The following TMEM131 variants were observed in gnomAD, a reference collection of about 807,000 sequenced individuals.
The protein encoded by TMEM131 is 2610524E03Rik.
In TMEM131, 66 loss-of-function variants were observed where a neutral mutation model predicts 211.6. The ratio of observed to expected loss-of-function variants is 0.31; its 90% confidence interval spans 0.26 to 0.38. The LOEUF is 0.38. TMEM131 is among the 10% of genes least tolerant of loss of function. The pLI, the probability that TMEM131 is intolerant of heterozygous loss-of-function variation, is 1.00. For missense variants in TMEM131, 2,036 were observed against 2,299.3 expected (o/e 0.89, Z 2.34); for synonymous variants, 844 against 841.3 (o/e 1.00, Z -0.06).
intron 11 of TMEM131, among the ~76,000 whole-genome samples, chr2:97,826,806 C>G (rs1306549889): frequency 6.6e-6 from 1 of 152,128 alleles, no homozygotes; most frequent in Non-Finnish European, 1.5e-5. Context: ...TTCTCTGTAA[C>G]CCTATAACAC....
intron 25 of TMEM131, 27 bp from the exon 26 acceptor site, chr2:97,797,543 A>G: frequency 6.3e-7 from 1 of 1,582,752 alleles, no homozygotes; most frequent in Non-Finnish European, 8.6e-7. Flanking sequence ...AACAGAGAGG[A>G]GTCATGAATA....
chr2:97,895,298 C>A (rs112085565), intron 3 of TMEM131, among the ~76,000 whole-genome samples: 1 of 152,076 alleles, frequency 6.6e-6, no homozygotes, highest in Admixed American at 6.6e-5. Flanking sequence ...CTTCTCGCAT[C>A]GATGTTCATT....
intron 32 of TMEM131, 131 bp from the exon 33 acceptor site, chr2:97,772,555 T>G: frequency 9.2e-7 from 1 of 1,088,772 alleles, no homozygotes. Context: ...CAAACTCGTT[T>G]CTTCAAATCT....
intron 12 of TMEM131, 125 bp downstream of exon 12, chr2:97,818,488 C>CA: frequency 2.8e-6 from 1 of 361,240 alleles, no homozygotes. Context: ...GGGGATCAAC[C>CA]TAAGCAGTAA....
intron 4 of TMEM131, among the ~76,000 whole-genome samples, chr2:97,864,495 A>T (rs544826638): frequency 6.6e-6 from 1 of 152,290 alleles, no homozygotes; most frequent in South Asian, 2.1e-4. Flanking sequence ...GTAATCCATA[A>T]ATATATATAT....
At chr2:97,907,591 G>T (rs1293367888) in intron 3 of TMEM131, among the ~76,000 whole-genome samples, 2 of 152,162 alleles carry the variant, frequency 1.3e-5, no homozygotes, top group African/African-American at 4.8e-5. Context: ...CAAGGGTGGG[G>T]ACACCTTCTG....
chr2:97,927,485 A>G lies in TMEM131; in HGVS notation c.190T>C (p.Phe64Leu), dbSNP rs746130183. 2.5e-6 allele frequency: 4 copies of G among 1,571,746 alleles called. No individual in the cohort carries two copies. The South Asian group carries it at 5.0e-5, about 20-fold the overall frequency. The change falls in exon 2 of 41, where the codon TTC (phenylalanine) becomes CTC (leucine). Residue 64 changes from phenylalanine (F) to leucine (L), a missense_variant and splice_region_variant. By Grantham distance (22) the Phe-to-Leu change is conservative. Around this residue, in one of 3 missense-constraint regions of TMEM131, gnomAD observed 136 missense variants for 115.4 expected, o/e 1.18. Coordinates refer to ENST00000186436, the MANE Select transcript of TMEM131 (RefSeq NM_015348.2). ...VAAARAEKEA[F>L]VQSESIIEVL... ...TCTATTATGCTCTCTGACTGAACGA[A>G]TGCTGTGAAGAAAACAAAACATACC...
At position 97,792,759 on chromosome 2, in the gene TMEM131, A is replaced by G; in HGVS notation, c.3771T>C (p.Ala1257=). 6.2e-7 allele frequency: 1 copy of G among 1,614,042 alleles called. No homozygotes were observed. Among genetic ancestry groups the G allele is most frequent in the Non-Finnish European group, 8.5e-7 (1 of 1,179,892 alleles). ...TSAQAASSQS[A]NKTSPLVLDS... Reference sequence around the variant, plus strand: ...CTAAGACAAGGGGGCTTGTTTTGTTAGCAGACTGTGAAGAAGCTGCTTGAG... The same window carrying G: ...CTAAGACAAGGGGGCTTGTTTTGTTGGCAGACTGTGAAGAAGCTGCTTGAG... The change falls in exon 31 of 41, where the codon GCT becomes GCC. Residue 1257 remains alanine, a synonymous_variant. Transcript: ENST00000186436.
intron 2 of TMEM131, among the ~76,000 whole-genome samples, chr2:97,926,025 T>C (rs761698274): frequency 3.3e-5 from 5 of 150,512 alleles, no homozygotes; most frequent in Non-Finnish European, 7.4e-5. Context: ...GGCAGGAGAA[T>C]GGTGTGAACC....
At chr2:97,989,649 AAAAT>A (rs936326612) in intron 1 of TMEM131, among the ~76,000 whole-genome samples, 10 of 152,302 alleles carry the variant, frequency 6.6e-5, no homozygotes, top group Admixed American at 6.5e-4. Context: ...TAAATAAATG[AAAAT>A]AAATAAAAAC....
At chr2:97,821,785 A>G (rs1468039008) in intron 11 of TMEM131, among the ~76,000 whole-genome samples, 1 of 152,204 alleles carries the variant, frequency 6.6e-6, no homozygotes, top group African/African-American at 2.4e-5. Context: ...CGACTGGCAC[A>G]GCCACCGGAC....
chr2:97,900,345 C>T (rs962541608), intron 3 of TMEM131, among the ~76,000 whole-genome samples: 78 of 152,006 alleles, frequency 5.1e-4, no homozygotes, highest in African/African-American at 1.9e-3. Flanking sequence ...TCTCCCTGGT[C>T]CCCACCCTCA....
At chr2:97,782,485 A>T (rs145554723) in intron 31 of TMEM131, among the ~76,000 whole-genome samples, 1,530 of 152,334 alleles carry the variant, frequency 0.01, 14 homozygotes, top group South Asian at 0.024. Flanking sequence ...AAATTTCTCA[A>T]ATCAAATGAA....
intron 4 of TMEM131, among the ~76,000 whole-genome samples, chr2:97,869,814 A>T (rs564581619): frequency 3.9e-5 from 6 of 152,320 alleles, no homozygotes; most frequent in African/African-American, 1.2e-4. Context: ...ACTATGTAAC[A>T]AATTACCACA....
intron 4 of TMEM131, among the ~76,000 whole-genome samples, chr2:97,885,912 A>G (rs1210724807): frequency 6.6e-6 from 1 of 152,094 alleles, no homozygotes; most frequent in African/African-American, 2.4e-5. Flanking sequence ...TGACCATAAT[A>G]TATTTGTTCA....
intron 11 of TMEM131, chr2:97,827,298 C>T (rs1682446259): frequency 1.3e-6 from 1 of 785,226 alleles, no homozygotes; most frequent in Non-Finnish European, 2.4e-6. Context: ...AGGAAGAGCC[C>T]AAGAGGAGAT....
intron 5 of TMEM131, among the ~76,000 whole-genome samples, chr2:97,844,654 G>C (rs961247340): frequency 6.6e-6 from 1 of 152,106 alleles, no homozygotes; most frequent in African/African-American, 2.4e-5. Context: ...AATAAGCCCA[G>C]GCCTCAACCT....
intron 2 of TMEM131, among the ~76,000 whole-genome samples, chr2:97,911,362 T>C (rs1369419314): frequency 1.3e-5 from 2 of 152,232 alleles, no homozygotes; most frequent in East Asian, 1.9e-4. Context: ...ATTATCTTGA[T>C]TGTAGTAATA....
At chr2:97,793,079 T>G in intron 30 of TMEM131, 95 bp from the exon 31 acceptor site, 2 of 917,398 alleles carry the variant, frequency 2.2e-6, no homozygotes, top group Non-Finnish European at 1.6e-6. Flanking sequence ...CCACCATAAA[T>G]ATAAACTACA....
Sources: gnomAD v4.1 joint callset for allele counts (sites outside exome capture counted in the v4.1 genomes callset) on GRCh38, gnomAD v4.1.1 for gene constraint, gnomAD v4.1.1 regional missense constraint, MANE v1.5 for transcripts, NCBI Gene and HGNC (gene_info 2026-07-23, HGNC 2026-07-21) for gene names.